Variants in PKIB observed in about 807,000 individuals in gnomAD.
The protein encoded by PKIB is cAMP-dependent protein kinase inhibitor beta.
PKIB carries 2 observed loss-of-function variants against 4.5 expected under a neutral mutation model. The ratio of observed to expected loss-of-function variants is 0.44; its 90% CI spans 0.18 to 1.39. PKIB has a LOEUF of 1.39. Among genes scored for constraint, PKIB ranks in the 40% most tolerant of loss-of-function variants. The pLI is 0.27. For synonymous variants in PKIB, 38 were observed against 36.0 expected (o/e 1.06, Z -0.20); for missense variants, 94 against 92.6 (o/e 1.02, Z -0.06).
rs1243649549 is a variant in PKIB, at chr6:122,510,715, TTAAC to T, written c.-248+32779_-248+32782del. On this transcript the variant is annotated intron_variant, in intron 2 of 6. Transcript: ENST00000392491. ...GAAATATATCCTTTTTTTTAGTAGTTTAACTATTTTATGAAGTGTCCCCAATTTT... is the reference window on the plus strand; with the variant it reads ...GAAATATATCCTTTTTTTTAGTAGTTTATTTTATGAAGTGTCCCCAATTTT... Among the ~76,000 whole-genome samples the T allele has an allele frequency of 3.3e-5, 5 of 152,238 alleles. No individual in the cohort carries two copies. In the East Asian group the frequency reaches 7.7e-4, roughly 24 times the overall value.
chr6:122,585,025 A>G (rs957477038), intron 2 of PKIB, among the ~76,000 whole-genome samples: 5 of 152,160 alleles, frequency 3.3e-5, no homozygotes, highest in Non-Finnish European at 7.4e-5. Flanking sequence ...AAATTTCTGC[A>G]TAATCTGTCC....
At chr6:122,494,102 G>T (rs575655299) in intron 2 of PKIB, among the ~76,000 whole-genome samples, 4 of 151,772 alleles carry the variant, frequency 2.6e-5, no homozygotes, top group Non-Finnish European at 5.9e-5. Context: ...TTTATATACG[G>T]CCAAGTTAAT....
At chr6:122,714,508 T>C (rs1474877398) in intron 3 of PKIB, among the ~76,000 whole-genome samples, 1 of 152,100 alleles carries the variant, frequency 6.6e-6, no homozygotes, top group African/African-American at 2.4e-5. Flanking sequence ...CTATGTGAAA[T>C]AATAATATAA....
intron 1 of PKIB, among the ~76,000 whole-genome samples, chr6:122,626,340 C>A (rs1775443977): frequency 6.6e-6 from 1 of 152,236 alleles, no homozygotes; most frequent in East Asian, 1.9e-4. Context: ...TATGAATTTC[C>A]ATTCAATGAT....
At chr6:122,505,329 C>G (rs1366191171) in intron 2 of PKIB, among the ~76,000 whole-genome samples, 1 of 152,166 alleles carries the variant, frequency 6.6e-6, no homozygotes, top group East Asian at 1.9e-4. Context: ...TGTGGCTTTC[C>G]ACAACTTATT....
chr6:122,529,694 T>G (rs571597160), intron 2 of PKIB, among the ~76,000 whole-genome samples: 1 of 152,304 alleles, frequency 6.6e-6, no homozygotes, highest in East Asian at 1.9e-4. Context: ...GGGATGTTTT[T>G]GCTGGATACA....
At chr6:122,649,076 A>G (rs1206221082) in intron 2 of PKIB, among the ~76,000 whole-genome samples, 2 of 152,194 alleles carry the variant, frequency 1.3e-5, no homozygotes, top group Non-Finnish European at 2.9e-5. Context: ...TGCTGAGGTC[A>G]TCTTTTGGTG....
chr6:122,707,317 G>A lies in PKIB; in HGVS notation c.-8-10470G>A, dbSNP rs138680448. ...ATAATGATTTCTTCTGTAAAGTACCGAAGATAACTTAGAAAACAAATCAGA... is the reference window on the plus strand; with the variant it reads ...ATAATGATTTCTTCTGTAAAGTACCAAAGATAACTTAGAAAACAAATCAGA... On this transcript the variant is annotated intron_variant, in intron 3 of 4. Coordinates refer to ENST00000368452, the MANE Select transcript of PKIB (RefSeq NM_181795.3). Among the ~76,000 whole-genome samples, 75 of 151,858 alleles carry A rather than the reference G, an allele frequency of 4.9e-4. No individual in the cohort carries two copies. In the East Asian group the frequency reaches 0.011, roughly 23 times the overall value.
intron 4 of PKIB, among the ~76,000 whole-genome samples, chr6:122,722,977 A>G (rs1306078475): frequency 1.3e-5 from 2 of 151,774 alleles, no homozygotes; most frequent in African/African-American, 2.4e-5. Flanking sequence ...CTCTTGCACG[A>G]TCTCTTAGTC....
At chr6:122,495,245 G>A (rs967334406) in intron 2 of PKIB, among the ~76,000 whole-genome samples, 5 of 152,144 alleles carry the variant, frequency 3.3e-5, no homozygotes, top group Non-Finnish European at 7.4e-5. Context: ...TTGGGTGGGA[G>A]GGAAGTGCAA....
chr6:122,580,913 T>C (rs1326692225), intron 2 of PKIB, among the ~76,000 whole-genome samples: 1 of 152,172 alleles, frequency 6.6e-6, no homozygotes, highest in African/African-American at 2.4e-5. Context: ...ATGTGAGTCA[T>C]AGTTGATGGG....
At chr6:122,566,510 T>A (rs2114683399) in intron 2 of PKIB, among the ~76,000 whole-genome samples, 1 of 152,236 alleles carries the variant, frequency 6.6e-6, no homozygotes, top group East Asian at 1.9e-4. Flanking sequence ...ATGCTTATGT[T>A]CCTTTAAAAT....
At chr6:122,687,295 C>T (rs1778132751) in intron 3 of PKIB, among the ~76,000 whole-genome samples, 1 of 152,056 alleles carries the variant, frequency 6.6e-6, no homozygotes, top group African/African-American at 2.4e-5. Flanking sequence ...AGATTTGTTT[C>T]TGGGTACTTT....
At chr6:122,707,214 G>C (rs1779099477) in intron 3 of PKIB, among the ~76,000 whole-genome samples, 1 of 151,668 alleles carries the variant, frequency 6.6e-6, no homozygotes, top group African/African-American at 2.4e-5. Context: ...TTTCCTCTAT[G>C]ACCCAGAAAA....
upstream of PKIB, among the ~76,000 whole-genome samples, chr6:122,609,521 C>T (rs1774661634): frequency 1.3e-5 from 2 of 152,298 alleles, no homozygotes; most frequent in South Asian, 2.1e-4. Context: ...TGGAAGTGGT[C>T]ATTGGCAGGT....
chr6:122,680,655 A>C (rs910034963), intron 3 of PKIB, among the ~76,000 whole-genome samples: 4 of 152,078 alleles, frequency 2.6e-5, no homozygotes, highest in Admixed American at 6.5e-5. Context: ...ATCAAAGAAA[A>C]ACTTTTGCTT....
chr6:122,709,422 C>T (rs925711096), intron 3 of PKIB, among the ~76,000 whole-genome samples: 7 of 151,616 alleles, frequency 4.6e-5, no homozygotes, highest in African/African-American at 1.7e-4. Context: ...TCTAAATTAC[C>T]TAAGGAGGTT....
intron 3 of PKIB, among the ~76,000 whole-genome samples, chr6:122,678,596 A>T (rs1777776130): frequency 6.6e-6 from 1 of 152,154 alleles, no homozygotes; most frequent in Non-Finnish European, 1.5e-5. Context: ...TTCAACAAAT[A>T]CTCAGTGCTT....
chr6:122,696,035 C>T (rs1339926585), intron 3 of PKIB, among the ~76,000 whole-genome samples: 1 of 152,168 alleles, frequency 6.6e-6, no homozygotes, highest in Non-Finnish European at 1.5e-5. Flanking sequence ...GATTTCTTTA[C>T]TCCTTTATAC....
Sources: allele counts gnomAD v4.1 joint callset (sites outside exome capture counted in the v4.1 genomes callset), GRCh38; gene constraint gnomAD v4.1.1; transcripts MANE v1.5; gene names NCBI Gene and HGNC (gene_info 2026-07-23, HGNC 2026-07-21).